The following KCNH4 variants were observed in gnomAD, a reference collection of about 807,000 sequenced individuals.
The protein encoded by KCNH4 is potassium voltage-gated channel subfamily H member 4, also known as voltage-gated delayed rectifier potassium channel KCNH4.
Under a neutral mutation model 90.7 loss-of-function variants are expected in KCNH4, and 33 were observed. The observed-to-expected ratio is 0.36, with a 90% confidence interval of 0.28 to 0.49. KCNH4 has a LOEUF of 0.49. KCNH4 is among the 20% of genes least tolerant of loss of function. The pLI, the probability that KCNH4 is intolerant of heterozygous loss-of-function variation, is 0.98. For missense variants in KCNH4, 1,044 were observed against 1,387.1 expected (o/e 0.75, Z 3.93); for synonymous variants, 551 against 581.7 (o/e 0.95, Z 0.76).
chr17:42,168,572 A>G (rs1286652601), intron 9 of KCNH4, among the ~76,000 whole-genome samples: 1 of 152,066 alleles, frequency 6.6e-6, no homozygotes, highest in Non-Finnish European at 1.5e-5. Flanking sequence ...TGAACCTGGG[A>G]GGCAGAGGTT....
rs894082926 is a variant in KCNH4, at chr17:42,180,582, A to C, written c.76+288T>G. Among the ~76,000 whole-genome samples the C allele has an allele frequency of 6.6e-6, 1 of 151,442 alleles. No individual in the cohort carries two copies. Among genetic ancestry groups the C allele is most frequent in the Non-Finnish European group, 1.5e-5 (1 of 67,856 alleles). On this transcript the variant is annotated intron_variant, in intron 1 of 16. Transcript: ENST00000264661. This position sits in a 1 kb window ranked among gnomAD's most constrained non-coding sequence, Gnocchi z 4.7. ...CACGCCCCCAGCACAGCTCTGCCCGAGAGTGGGCGGCTCCGAAGGACCCTC... is the reference window on the plus strand; with the variant it reads ...CACGCCCCCAGCACAGCTCTGCCCGCGAGTGGGCGGCTCCGAAGGACCCTC...
rs777944981 is a variant in KCNH4, at chr17:42,165,428, G to A, written c.2085+21C>T. On this transcript the variant is annotated intron_variant, in intron 11 of 16. Transcript: ENST00000264661. ...GAGGAAGGGACTCTGGAAGGATGGC[G>A]GTCATCAGGGGTGTACATACACTGG... The A allele has an allele frequency of 2.3e-5, 37 of 1,610,698 alleles. No individual in the cohort carries two copies. The East Asian group carries it at 2.7e-4, about 12-fold the overall frequency.
At chr17:42,166,574 C>A in intron 9 of KCNH4, 28 bp from the exon 10 acceptor site, 1 of 1,589,630 alleles carries the variant, frequency 6.3e-7, no homozygotes, top group Non-Finnish European at 8.6e-7. Context: ...GTCATTCTGG[C>A]CATCCCCCTG....
At position 42,175,630 on chromosome 17, in the gene KCNH4, G is replaced by A. The variant is rs137987409; in HGVS notation, c.936C>T (p.Asp312=). ...GGTCAAAGGGCAGAGCAGCAATAAG[G>A]TCGATGAAGAACCAGGTGGCCAGGT... is the stretch of plus-strand genomic sequence containing the variant. The part of the protein sequence containing the change: ...LHYLATWFFI[D]LIAALPFDLL... The change falls in exon 6 of 17, where the codon GAC becomes GAT. Residue 312 remains aspartate (D), a synonymous_variant. Transcript: ENST00000264661. 715 of 1,614,200 alleles carry A rather than the reference G, an allele frequency of 4.4e-4. No homozygotes were observed. Among genetic ancestry groups the A allele is most frequent in the Non-Finnish European group, 5.6e-4 (664 of 1,180,040 alleles).
At chr17:42,159,120 C>G (rs757102848) in intron 16 of KCNH4, among the ~76,000 whole-genome samples, 1 of 151,942 alleles carries the variant, frequency 6.6e-6, no homozygotes, top group Admixed American at 6.6e-5. Flanking sequence ...CTCCGCCTCC[C>G]GGATTCAAGC....
In KCNH4 at chr17:42,171,950, G is replaced by GCAGCCGCAA; in HGVS notation, c.1024_1032dup (p.Arg346_Leu348dup). Reference sequence around the variant, plus strand: ...CGCTCCAGCTTCTGCAGCAGCCGCAGCAGCCGCAACAGCCGCACTGTCTTC... The same window carrying GCAGCCGCAA: ...CGCTCCAGCTTCTGCAGCAGCCGCAGCAGCCGCAACAGCCGCAACAGCCGCACTGTCTTC... On this transcript the variant is annotated inframe_insertion, in exon 7 of 17. Transcript: ENST00000264661. 6.2e-7 allele frequency: 1 copy of GCAGCCGCAA among 1,607,474 alleles called. No individual in the cohort carries two copies. Among genetic ancestry groups the GCAGCCGCAA allele is most frequent in the Non-Finnish European group, 8.5e-7 (1 of 1,177,890 alleles).
chr17:42,179,394 T>C (rs1046272265), intron 1 of KCNH4, among the ~76,000 whole-genome samples: 1 of 152,210 alleles, frequency 6.6e-6, no homozygotes, highest in Non-Finnish European at 1.5e-5. Flanking sequence ...CTGTGTGACC[T>C]TGGGCAAGTT....
intron 4 of KCNH4, 97 bp downstream of exon 4, chr17:42,178,003 A>C: frequency 6.6e-7 from 1 of 1,504,654 alleles, no homozygotes; most frequent in South Asian, 1.3e-5. Flanking sequence ...CCAAGGAGGG[A>C]CACCAGACAG....
Position 42,163,829 on chromosome 17 carries a change from C to A in KCNH4, c.2254G>T (p.Ala752Ser). ...RPLLLPNLSP[A>S]RPRGSLVSLL... Reference sequence around the variant, plus strand: ...CTGACCAGGGAGCCCCGAGGCCGTGCTGGGCTGAGGTTGGGCAGCAGGAGG... The same window carrying A: ...CTGACCAGGGAGCCCCGAGGCCGTGATGGGCTGAGGTTGGGCAGCAGGAGG... Residue 752 changes from alanine to serine, a missense_variant, in exon 13 of 17, where the codon GCA becomes TCA. Ala to Ser is a moderately conservative substitution (Grantham distance 99). This residue lies in a region of KCNH4 where 441 missense variants were observed against 512.3 expected (regional missense o/e 0.86). Coordinates refer to ENST00000264661, the MANE Select transcript of KCNH4 (RefSeq NM_012285.3). This position sits in a 1 kb window ranked among gnomAD's most constrained non-coding sequence, Gnocchi z 5.4. 6.6e-7 allele frequency: 1 copy of A among 1,519,604 alleles called. No individual in the cohort carries two copies. Among genetic ancestry groups the A allele is most frequent in the Non-Finnish European group, 8.8e-7 (1 of 1,133,916 alleles). The allele number at this position is 1,519,604 out of a possible 1,614,324, so 94.1% of individuals were successfully genotyped here.
chr17:42,166,886 G>A (rs2079791919), intron 9 of KCNH4, among the ~76,000 whole-genome samples: 1 of 152,188 alleles, frequency 6.6e-6, no homozygotes, highest in South Asian at 2.1e-4. Flanking sequence ...CTAAGTCCCT[G>A]TGGACCTTGG....
At chr17:42,160,882 G>A (rs2079741764) in intron 15 of KCNH4, among the ~76,000 whole-genome samples, 2 of 148,696 alleles carry the variant, frequency 1.3e-5, no homozygotes, top group South Asian at 4.3e-4. Context: ...CCAGAAATCT[G>A]CATTTAATAG....
chr17:42,179,739 A>ATT (rs2079888130), intron 1 of KCNH4, among the ~76,000 whole-genome samples: 1 of 152,216 alleles, frequency 6.6e-6, no homozygotes, highest in Non-Finnish European at 1.5e-5. Context: ...GAGAAGGTCC[A>ATT]CTTTTTAGCA....
intron 2 of KCNH4, 67 bp from the exon 3 acceptor site, chr17:42,178,544 C>G: frequency 1.3e-6 from 2 of 1,564,932 alleles, no homozygotes; most frequent in East Asian, 4.6e-5. Flanking sequence ...CTCCTCATCC[C>G]TCTCATCCTC....
At chr17:42,177,353 G>T (rs1293648955) in intron 4 of KCNH4, among the ~76,000 whole-genome samples, 1 of 149,934 alleles carries the variant, frequency 6.7e-6, no homozygotes, top group African/African-American at 2.5e-5. Context: ...CTGGCCTCCA[G>T]ATAATTTTTA....
rs2079762595 is a variant in KCNH4, at chr17:42,163,424, A to AG, written c.2478-91dup. ...GAGGGGGACTGGGGGCAGCAGTGCC[A>AG]GGGGGCGGAGCAAGAGCAGCAGTCA... On this transcript the variant is annotated intron_variant, in intron 13 of 16. Coordinates refer to ENST00000264661, the MANE Select transcript of KCNH4 (RefSeq NM_012285.3). The surrounding 1 kb of genome is among the most constrained non-coding windows in gnomAD (Gnocchi z 5.4). 2 of 967,032 alleles carry AG rather than the reference A, an allele frequency of 2.1e-6. No individual in the cohort carries two copies. Among genetic ancestry groups the AG allele is most frequent in the African/African-American group, 3.2e-5 (2 of 62,072 alleles). The allele number at this position is 967,032 out of a possible 1,614,324, so 59.9% of individuals were successfully genotyped here.
At position 42,173,693 on chromosome 17, in the gene KCNH4, CTTTTTTTTTTT is replaced by C. The variant is rs532100884; in HGVS notation, c.988-1709_988-1699del. ...AGACTGGAAGTTTAGCGATCTGGTTCTTTTTTTTTTTTTTTTTTTTTTTTTTTTTGAGACAG... is the reference window on the plus strand; with the variant it reads ...AGACTGGAAGTTTAGCGATCTGGTTCTTTTTTTTTTTTTTTTTTGAGACAG... On this transcript the variant is annotated intron_variant, in intron 6 of 16. Coordinates refer to ENST00000264661, the MANE Select transcript of KCNH4 (RefSeq NM_012285.3). 4.7e-4 allele frequency among the ~76,000 whole-genome samples: 31 copies of C among 66,272 alleles called. 2 individuals are homozygous for C. Among genetic ancestry groups the C allele is most frequent in the Middle Eastern group, 0.024 (1 of 42 alleles). The allele number at this position is 66,272 out of a possible 152,430, so 43.5% of individuals were successfully genotyped here. A position where few individuals can be genotyped will look rare whatever the true frequency, so the allele number is the denominator to read the frequency against.
Position 42,169,601 on chromosome 17 carries a change from T to C in KCNH4, c.1466A>G (p.His489Arg). ...QRMYSRRSLY[H>R]SRMKDLKDFI... ...GTCCTTGAGGTCCTTCATGCGGCTG[T>C]GGTAGAGCGAGCGGCGCGAGTACAT... Residue 489 changes from histidine to arginine, a missense_variant, in exon 9 of 17, where the codon CAC (histidine) becomes CGC (arginine). Transcript: ENST00000264661. 6 of 1,614,030 alleles carry C rather than the reference T, an allele frequency of 3.7e-6. No individual in the cohort carries two copies. The highest frequency in any genetic ancestry group is 5.1e-6 in the Non-Finnish European group (6 of 1,179,994).
chr17:42,169,452 C>A, intron 9 of KCNH4, 25 bp downstream of exon 9: 1 of 1,609,980 alleles, frequency 6.2e-7, no homozygotes, highest in Non-Finnish European at 8.5e-7. Flanking sequence ...AGGGCAAGGG[C>A]AAGATTGGAG....
Position 42,160,519 on chromosome 17 carries a change from G to T in KCNH4, c.2659-84C>A, listed in dbSNP as rs117596174. 1.3e-4 allele frequency: 189 copies of T among 1,425,606 alleles called. No individual in the cohort carries two copies. The East Asian group carries it at 4.0e-3, about 30-fold the overall frequency. The allele number at this position is 1,425,606 out of a possible 1,614,324, so 88.3% of individuals were successfully genotyped here. On this transcript the variant is annotated intron_variant, in intron 15 of 16. Coordinates refer to ENST00000264661, the MANE Select transcript of KCNH4 (RefSeq NM_012285.3). The stretch of plus-strand genomic sequence containing the variant: ...CCTCTCCAGTTTACAAAGCTCTTTC[G>T]CAGCCACTTTCTGCTCATGGCCACC...
Sources: gnomAD v4.1 joint callset for allele counts (sites outside exome capture counted in the v4.1 genomes callset) on GRCh38, gnomAD v4.1.1 for gene constraint, gnomAD v4.1.1 regional missense constraint, Gnocchi (gnomAD v3.1) non-coding constraint, MANE v1.5 for transcripts, NCBI Gene and HGNC (gene_info 2026-07-23, HGNC 2026-07-21) for gene names.